Variants in DEPDC1B observed in about 807,000 individuals in gnomAD.
DEPDC1B encodes DEP domain containing 1B.
Under a neutral mutation model 66.5 loss-of-function variants are expected in DEPDC1B, and 51 were observed. The ratio of observed to expected loss-of-function variants is 0.77; its 90% CI spans 0.61 to 0.97. DEPDC1B has a LOEUF of 0.97. Ranked by LOEUF, DEPDC1B falls within the 50% of genes least tolerant of loss-of-function variation. The pLI is 0.00. For synonymous variants in DEPDC1B, 226 were observed against 223.6 expected (o/e 1.01, Z -0.10); for missense variants, 552 against 637.1 (o/e 0.87, Z 1.44).
chr5:60,699,329 C>T (rs554245022), intron 1 of DEPDC1B, among the ~76,000 whole-genome samples: 2 of 152,112 alleles, frequency 1.3e-5, no homozygotes, highest in South Asian at 2.1e-4. Flanking sequence ...ATTACCATTA[C>T]ACTTCCACAG....
At chr5:60,671,126 G>A (rs1754025058) in intron 2 of DEPDC1B, among the ~76,000 whole-genome samples, 1 of 152,166 alleles carries the variant, frequency 6.6e-6, no homozygotes, top group African/African-American at 2.4e-5. Context: ...ACACTACCAG[G>A]TAAGGCACCC....
intron 7 of DEPDC1B, among the ~76,000 whole-genome samples, chr5:60,632,792 G>A (rs1204113944): frequency 6.6e-6 from 1 of 152,210 alleles, no homozygotes; most frequent in Non-Finnish European, 1.5e-5. Flanking sequence ...CACAGCTGTG[G>A]GGATAATGCA....
At chr5:60,661,498 T>C (rs1753714830) in intron 2 of DEPDC1B, among the ~76,000 whole-genome samples, 1 of 152,198 alleles carries the variant, frequency 6.6e-6, no homozygotes, top group South Asian at 2.1e-4. Flanking sequence ...CCTTAAGATG[T>C]ATTCTGGAGA....
chr5:60,680,080 T>C (rs556399070), intron 2 of DEPDC1B, among the ~76,000 whole-genome samples: 92 of 152,290 alleles, frequency 6.0e-4, no homozygotes, highest in African/African-American at 2.2e-3. Flanking sequence ...AAATGTTTCA[T>C]AAACCAAAAT....
intron 1 of DEPDC1B, among the ~76,000 whole-genome samples, chr5:60,694,289 G>A (rs566335026): frequency 4.6e-5 from 7 of 152,176 alleles, no homozygotes; most frequent in South Asian, 4.2e-4. Context: ...ACCTCCCTGC[G>A]TCATACCTGC....
chr5:60,696,152 T>G (rs1261094788), intron 1 of DEPDC1B, among the ~76,000 whole-genome samples: 1 of 152,164 alleles, frequency 6.6e-6, no homozygotes, highest in African/African-American at 2.4e-5. Context: ...CTTTTTTCAG[T>G]TCTCAGAATT....
intron 1 of DEPDC1B, among the ~76,000 whole-genome samples, chr5:60,687,530 A>T (rs1754449260): frequency 6.6e-6 from 1 of 151,612 alleles, no homozygotes; most frequent in African/African-American, 2.4e-5. Flanking sequence ...CAAAAATAAA[A>T]ACTTTTTTTT....
intron 2 of DEPDC1B, among the ~76,000 whole-genome samples, chr5:60,669,886 C>A (rs1477207455): frequency 6.6e-6 from 1 of 152,030 alleles, no homozygotes; most frequent in African/African-American, 2.4e-5. Flanking sequence ...AGAAAAAAAT[C>A]TATAAAATAT....
chr5:60,629,152 C>T (rs1752868497), intron 7 of DEPDC1B, among the ~76,000 whole-genome samples: 1 of 152,158 alleles, frequency 6.6e-6, no homozygotes, highest in South Asian at 2.1e-4. Context: ...CATTGTCCAC[C>T]ATGTTGCTGC....
At position 60,662,191 on chromosome 5, in the gene DEPDC1B, A is replaced by G. The variant is rs1041438163; in HGVS notation, c.315-14658T>C. Among the ~76,000 whole-genome samples, 64 of 152,174 alleles carry G rather than the reference A, an allele frequency of 4.2e-4. 1 individual carries two copies. The highest frequency in any genetic ancestry group is 1.5e-3 in the African/African-American group (62 of 41,516). The stretch of plus-strand genomic sequence containing the variant: ...ATCACGAGGTCAGGAGATTGAGACC[A>G]TCCTGGCTAACACAGTGAAACCCCG... On this transcript the variant is annotated intron_variant, in intron 2 of 10. Transcript: ENST00000265036.
At chr5:60,599,011 T>TG (rs1752149037) in intron 10 of DEPDC1B, 64 bp downstream of exon 10, 38 of 1,156,998 alleles carry the variant, frequency 3.3e-5, no homozygotes, top group Non-Finnish European at 4.3e-5. Flanking sequence ...CCTATTAAAA[T>TG]AAAAAAAAAA....
intron 2 of DEPDC1B, among the ~76,000 whole-genome samples, chr5:60,672,227 C>T (rs1754057676): frequency 6.6e-6 from 1 of 152,228 alleles, no homozygotes; most frequent in Admixed American, 6.5e-5. Flanking sequence ...TCCCCAACAA[C>T]TGGCTCATTC....
intron 2 of DEPDC1B, among the ~76,000 whole-genome samples, chr5:60,663,074 T>C (rs1365115054): frequency 6.6e-6 from 1 of 152,132 alleles, no homozygotes; most frequent in Non-Finnish European, 1.5e-5. Context: ...GTTAGGGAAA[T>C]ACATTCTAGC....
intron 2 of DEPDC1B, among the ~76,000 whole-genome samples, chr5:60,657,193 G>A (rs531381047): frequency 6.6e-6 from 1 of 152,278 alleles, no homozygotes; most frequent in African/African-American, 2.4e-5. Flanking sequence ...TTATGTGTTA[G>A]GTGAGTCTCT....
intron 7 of DEPDC1B, among the ~76,000 whole-genome samples, chr5:60,615,384 T>C (rs1752521815): frequency 6.6e-6 from 1 of 152,160 alleles, no homozygotes; most frequent in African/African-American, 2.4e-5. Flanking sequence ...GGTCAGGGAA[T>C]TCCCTTTCCT....
chr5:60,668,551 C>T (rs919800698), intron 2 of DEPDC1B, among the ~76,000 whole-genome samples: 5 of 151,944 alleles, frequency 3.3e-5, no homozygotes, highest in African/African-American at 4.8e-5. Context: ...GCTGGGATTA[C>T]AGGCATGAGC....
rs1175476445 is a variant in DEPDC1B at position 60,684,455 on chromosome 5, C to G, written c.314+2507G>C. Among the ~76,000 whole-genome samples, 27 of 152,128 alleles carry G rather than the reference C, an allele frequency of 1.8e-4. No homozygotes were observed. The East Asian group carries it at 5.2e-3, about 29-fold the overall frequency. On this transcript the variant is annotated intron_variant, in intron 2 of 10. Coordinates refer to ENST00000265036, the MANE Select transcript of DEPDC1B (RefSeq NM_018369.3). ...AGAAATAAATCCATGTGTTTACAACCAAATGATTTTCAACCAAGATGCCAA... is the reference window on the plus strand; with the variant it reads ...AGAAATAAATCCATGTGTTTACAACGAAATGATTTTCAACCAAGATGCCAA...
chr5:60,696,884 G>A (rs1251074714), intron 1 of DEPDC1B, among the ~76,000 whole-genome samples: 5 of 149,668 alleles, frequency 3.3e-5, no homozygotes, highest in Non-Finnish European at 2.9e-5. Flanking sequence ...TTATGATAGC[G>A]GTGCTATAAA....
intron 1 of DEPDC1B, among the ~76,000 whole-genome samples, chr5:60,695,793 C>T (rs187354785): frequency 5.0e-4 from 76 of 152,114 alleles, no homozygotes; most frequent in African/African-American, 1.8e-3. Flanking sequence ...AATGTGAAAA[C>T]TTCTTTCTTT....
Sources: allele counts gnomAD v4.1 joint callset (sites outside exome capture counted in the v4.1 genomes callset), GRCh38; gene constraint gnomAD v4.1.1; transcripts MANE v1.5; gene names NCBI Gene and HGNC (gene_info 2026-07-23, HGNC 2026-07-21).